LZTS2: variants seen among roughly 807,000 people sequenced by gnomAD.
LZTS2 encodes the protein leucine zipper putative tumor suppressor 2.
A neutral mutation model predicts 60.6 loss-of-function variants in LZTS2; 32 were observed. That is an observed-to-expected ratio of 0.53 (90% CI 0.40 to 0.71). The LOEUF (loss-of-function observed/expected upper bound fraction) is 0.71, where lower values mean the gene tolerates loss of function less well. Ranked by LOEUF, LZTS2 falls within the 30% of genes least tolerant of loss-of-function variation. The pLI is 0.00. For synonymous variants in LZTS2, 360 were observed against 393.1 expected, an observed-to-expected ratio of 0.92 and a Z score of 1.00; for missense variants, 792 against 901.9, an observed-to-expected ratio of 0.88 and a Z score of 1.56.
exon 2 of LZTS2, chr10:101,003,709 C>T: frequency 6.2e-7 from 1 of 1,613,552 alleles, no homozygotes; most frequent in Non-Finnish European, 8.5e-7. Context: ...AAACCCCTGG[C>T]ATTTAGTGGC....
exon 2 of LZTS2, chr10:101,004,136 T>C: frequency 6.2e-7 from 1 of 1,608,588 alleles, no homozygotes; most frequent in Admixed American, 1.7e-5. Context: ...TGCGGGACAG[T>C]CTGGACGAGA....
chr10:101,003,292 C>T (rs1051002728), intron 1 of LZTS2: 1 of 534,110 alleles, frequency 1.9e-6, no homozygotes, highest in Non-Finnish European at 3.2e-6. Context: ...ATTTCCTCAT[C>T]TGTAATATGG....
At chr10:101,002,604 A>G (rs1432611696) in exon 1 of LZTS2, 3 of 1,561,358 alleles carry the variant, frequency 1.9e-6, no homozygotes, top group Admixed American at 1.9e-5. Context: ...CTGCCCCACA[A>G]GCTCCAGTCA....
At chr10:100,997,974 G>GA (rs1851949634), upstream of LZTS2, among the ~76,000 whole-genome samples, 1 of 152,198 alleles carries the variant, frequency 6.6e-6, no homozygotes, top group Non-Finnish European at 1.5e-5. Context: ...GAAGGTTTCG[G>GA]AGACAGGCCC....
chr10:101,006,440 G>A (rs1202554263), intron 3 of LZTS2, 45 bp from the exon 5 acceptor site: 2 of 1,565,274 alleles, frequency 1.3e-6, no homozygotes, highest in Admixed American at 3.6e-5. Context: ...TGTCCCCCCA[G>A]GAGAACCTGT....
At chr10:101,000,037 A>C (rs1020348542) in exon 1 of LZTS2, 2 of 152,340 alleles carry the variant, frequency 1.3e-5, no homozygotes, top group African/African-American at 4.8e-5. Context: ...GGCGTTCCCC[A>C]GTCGCCCCCA....
chr10:101,002,528 C>A, exon 1 of LZTS2: 1 of 1,509,748 alleles, frequency 6.6e-7, no homozygotes, highest in Non-Finnish European at 8.9e-7. Flanking sequence ...CAGGCCTGAG[C>A]CTCTGCCACC....
exon 4 of LZTS2, chr10:101,007,583 A>G (rs893733377): frequency 1.5e-6 from 2 of 1,291,840 alleles, no homozygotes; most frequent in Non-Finnish European, 1.0e-6. Context: ...GTGCCTGCCC[A>G]CATTGGGGGA....
upstream of LZTS2, chr10:100,998,580 G>T (rs7903239): frequency 0.27 from 40,722 of 152,082 alleles, 6,196 homozygotes; most frequent in East Asian, 0.55. Context: ...TGGCCCTGCG[G>T]GGGAGGGGGT....
Position 101,004,521 on chromosome 10 carries a change from G to A in LZTS2, c.1068+355G>A, listed in dbSNP as rs1408016939. Among the ~76,000 whole-genome samples the A allele has an allele frequency of 2.0e-5, 3 of 152,122 alleles. No individual in the cohort carries two copies. The East Asian group carries it at 5.8e-4, about 29-fold the overall frequency. ...GGGAGGCTGAGGTGGGCGGATCACT[G>A]GAGCCCAGGAGGAGGAGGTTACAAT... On this transcript the variant is annotated intron_variant, in intron 2 of 3. Transcript: ENST00000370220.
In LZTS2 at chr10:101,006,887, C is replaced by T; in HGVS notation, c.1729C>T (p.Arg577Ter). ...GGGCAGCTTGCGGGCCCAGGTGGAG[C>T]GATTGCGGGTGGAGCTGCAGCGGGA... The change falls in exon 4 of 4, where the codon CGA becomes TGA. Residue 577 changes from arginine (R) to a stop codon, truncating the protein, a stop_gained. Transcript: ENST00000370220. LOFTEE classifies it high-confidence loss of function. 4 of 1,530,726 alleles carry T rather than the reference C, an allele frequency of 2.6e-6. No individual in the cohort carries two copies. Among genetic ancestry groups the T allele is most frequent in the Non-Finnish European group, 1.8e-6 (2 of 1,135,136 alleles). The allele number at this position is 1,530,726 out of a possible 1,614,324, so 94.8% of individuals were successfully genotyped here. A position where few individuals can be genotyped will look rare whatever the true frequency, so the allele number is the denominator to read the frequency against.
intron 3 of LZTS2, 146 bp from the exon 5 acceptor site, chr10:101,006,337 CAT>C: frequency 7.2e-7 from 1 of 1,386,608 alleles, no homozygotes; most frequent in South Asian, 1.5e-5. Context: ...TGACCTTGGA[CAT>C]GTCACTAGAC....
At chr10:101,006,764 G>C in exon 4 of LZTS2, 2 of 1,567,494 alleles carry the variant, frequency 1.3e-6, no homozygotes, top group Non-Finnish European at 1.7e-6. Context: ...TGAGGCGGCC[G>C]GACTCCGGGA....
chr10:101,007,238 A>C, exon 4 of LZTS2: 2 of 1,461,518 alleles, frequency 1.4e-6, no homozygotes, highest in East Asian at 2.4e-5. Context: ...CTTAGGCCCC[A>C]GGGTCCACGG....
rs372561639 is a variant in LZTS2 at position 101,006,478 on chromosome 10, C to T, written c.1327-7C>T. The T allele has an allele frequency of 1.2e-6, 2 of 1,604,956 alleles. No individual in the cohort carries two copies. The highest frequency in any genetic ancestry group is 1.3e-5 in the African/African-American group (1 of 74,912). ...CACCATCCTTCCCCACTTCCTCCCA[C>T]CCCCAGGTGTGCCAGAAATCAGGCG... On this transcript the variant is annotated splice_polypyrimidine_tract_variant and splice_region_variant and intron_variant, in intron 3 of 3. Transcript: ENST00000370220.
At chr10:101,007,125 C>A (rs750247593) in exon 4 of LZTS2, 47 of 1,608,382 alleles carry the variant, frequency 2.9e-5, no homozygotes, top group Non-Finnish European at 3.6e-5. Flanking sequence ...GCCGAGCAGG[C>A]CCCCTGCATC....
chr10:101,002,813 A>G lies in LZTS2; in HGVS notation c.275A>G (p.Asn92Ser), dbSNP rs1475307208. The G allele has an allele frequency of 2.5e-6, 4 of 1,613,856 alleles. No homozygotes were observed. The highest frequency in any genetic ancestry group is 2.2e-5 in the East Asian group (1 of 44,876). The change falls in exon 1 of 4, where the codon AAT becomes AGT. Residue 92 changes from asparagine (N) to serine (S), a missense_variant. By Grantham distance (46) the Asn-to-Ser change is conservative. Coordinates refer to ENST00000370220, the Ensembl canonical transcript of LZTS2. ...CCTGTCACCAGCTTCACCTACATCA[A>G]TGAGGACTTCCGGACAGAGTCACCC... is the stretch of plus-strand genomic sequence containing the variant.
intron 1 of LZTS2, 191 bp downstream of exon 2, chr10:101,003,137 G>A (rs1329064035): frequency 1.4e-6 from 1 of 699,142 alleles, no homozygotes; most frequent in Non-Finnish European, 2.3e-6. Flanking sequence ...TCAGTTTCTA[G>A]AACTGACATG....
At chr10:101,007,040 A>C (rs1476530913) in exon 4 of LZTS2, 6 of 1,595,348 alleles carry the variant, frequency 3.8e-6, no homozygotes, top group Non-Finnish European at 5.1e-6. Flanking sequence ...GTACCGGCGC[A>C]ACCGGCAGCT....
Sources: allele counts gnomAD v4.1 joint callset (sites outside exome capture counted in the v4.1 genomes callset), GRCh38; gene constraint gnomAD v4.1.1; transcripts MANE v1.5; gene names NCBI Gene and HGNC (gene_info 2026-07-23, HGNC 2026-07-21).